CPPED1: variants seen among roughly 807,000 people sequenced by gnomAD.
CPPED1 encodes calcineurin like phosphoesterase domain containing 1.
Under a neutral mutation model 28.0 loss-of-function variants are expected in CPPED1, and 28 were observed. The observed-to-expected ratio is 1.00, with a 90% CI of 0.74 to 1.37. The LOEUF (loss-of-function observed/expected upper bound fraction) is 1.37. Ranked by LOEUF, CPPED1 falls within the 40% of genes most tolerant of loss-of-function variation. CPPED1 has a pLI of 0.00. For missense variants in CPPED1, 504 were observed against 416.5 expected (o/e 1.21, Z -1.83); for synonymous variants, 198 against 180.2 (o/e 1.10, Z -0.79).
At chr16:12,727,053 G>A (rs967318311) in intron 2 of CPPED1, among the ~76,000 whole-genome samples, 3 of 152,212 alleles carry the variant, frequency 2.0e-5, no homozygotes, top group Middle Eastern at 3.4e-3. Flanking sequence ...TCAAGGAACC[G>A]TTGACTAAGT....
At chr16:12,706,848 C>G (rs762510583) in intron 2 of CPPED1, among the ~76,000 whole-genome samples, 1 of 152,156 alleles carries the variant, frequency 6.6e-6, no homozygotes, top group South Asian at 2.1e-4. Flanking sequence ...CAGCCTTTCC[C>G]GAGCCCATTC....
chr16:12,728,748 G>A (rs2080182384), intron 2 of CPPED1, among the ~76,000 whole-genome samples: 1 of 152,188 alleles, frequency 6.6e-6, no homozygotes, highest in Non-Finnish European at 1.5e-5. Context: ...ATCAAATGAA[G>A]TGAGCTATAA....
At chr16:12,677,280 G>C (rs1451887557) in intron 3 of CPPED1, among the ~76,000 whole-genome samples, 2 of 152,242 alleles carry the variant, frequency 1.3e-5, no homozygotes, top group Non-Finnish European at 2.9e-5. Context: ...GGCGAGGGCG[G>C]GGAAAGGCGG....
intron 2 of CPPED1, among the ~76,000 whole-genome samples, chr16:12,773,846 T>C (rs1407812996): frequency 6.6e-6 from 1 of 152,230 alleles, no homozygotes; most frequent in Non-Finnish European, 1.5e-5. Flanking sequence ...TCAATTTACA[T>C]GCTACCAGTA....
In CPPED1 at chr16:12,780,417, C is replaced by G. The variant is rs150732892; in HGVS notation, c.289+768G>C. ...TCTCGAACACCTGAGCTCAAGTGAT[C>G]CGCCCACCTCAGCCTCCCAAAGTGC... is the stretch of plus-strand genomic sequence containing the variant. On this transcript the variant is annotated intron_variant, in intron 2 of 3. Transcript: ENST00000381774. 3.7e-3 allele frequency among the ~76,000 whole-genome samples: 562 copies of G among 152,162 alleles called. 2 individuals carry two copies. Among genetic ancestry groups the G allele is most frequent in the African/African-American group, 0.013 (541 of 41,496 alleles).
chr16:12,752,915 A>T, intron 2 of CPPED1: 1 of 149,344 alleles, frequency 6.7e-6, no homozygotes, highest in South Asian at 2.1e-4. Context: ...ATAATATATA[A>T]ATATGTCAAT....
At chr16:12,787,014 T>C (rs143346810) in intron 1 of CPPED1, among the ~76,000 whole-genome samples, 8 of 152,314 alleles carry the variant, frequency 5.3e-5, no homozygotes, top group Middle Eastern at 3.4e-3. Context: ...TATGAGTATA[T>C]AGCACACATG....
At chr16:12,743,916 G>A (rs1472925649) in intron 2 of CPPED1, among the ~76,000 whole-genome samples, 1 of 151,892 alleles carries the variant, frequency 6.6e-6, no homozygotes, top group Non-Finnish European at 1.5e-5. Flanking sequence ...GAGGTGGGAG[G>A]TTCACGTGAG....
intron 3 of CPPED1, among the ~76,000 whole-genome samples, chr16:12,693,124 C>G (rs1457819514): frequency 6.6e-6 from 1 of 152,156 alleles, no homozygotes; most frequent in South Asian, 2.1e-4. Context: ...ACACCTGTGC[C>G]GAAGACCTGG....
At chr16:12,757,265 C>T (rs1000584294) in intron 2 of CPPED1, among the ~76,000 whole-genome samples, 1 of 152,146 alleles carries the variant, frequency 6.6e-6, no homozygotes, top group African/African-American at 2.4e-5. Flanking sequence ...CCAGAACAGT[C>T]CTGGGCAAAC....
chr16:12,693,328 T>C (rs1224735968), intron 3 of CPPED1, among the ~76,000 whole-genome samples: 2 of 152,108 alleles, frequency 1.3e-5, no homozygotes, highest in South Asian at 2.1e-4. Context: ...CAGCCTCCCA[T>C]GTAGCTGGGC....
chr16:12,734,987 G>C (rs2080219367), intron 2 of CPPED1, among the ~76,000 whole-genome samples: 1 of 152,164 alleles, frequency 6.6e-6, no homozygotes, highest in African/African-American at 2.4e-5. Flanking sequence ...GCTCAAGACA[G>C]ATCTTGGGTC....
At chr16:12,673,263 G>A (rs1398077833) in intron 3 of CPPED1, among the ~76,000 whole-genome samples, 2 of 152,286 alleles carry the variant, frequency 1.3e-5, no homozygotes, top group East Asian at 3.9e-4. Context: ...CTCTCCTGGG[G>A]TTTCACAGCC....
intron 2 of CPPED1, among the ~76,000 whole-genome samples, chr16:12,728,888 A>G (rs1009548463): frequency 1.3e-5 from 2 of 152,200 alleles, no homozygotes; most frequent in Non-Finnish European, 2.9e-5. Flanking sequence ...AAAAGTGTTC[A>G]AAGAATTGAA....
At chr16:12,681,914 G>C (rs532742429) in intron 3 of CPPED1, among the ~76,000 whole-genome samples, 40 of 152,144 alleles carry the variant, frequency 2.6e-4, no homozygotes, top group Non-Finnish European at 8.8e-5. Flanking sequence ...CTCTCCAGGG[G>C]CTAGAGGTGG....
In CPPED1 at chr16:12,660,497, A is replaced by ATGTGTGTGTG. The variant is rs61163755; in HGVS notation, c.*4379_*4388dup. 6 of 145,426 alleles carry ATGTGTGTGTG rather than the reference A, an allele frequency of 4.1e-5. No individual in the cohort carries two copies. The highest frequency in any genetic ancestry group is 2.3e-4 in the South Asian group (1 of 4,424). 9.0% of individuals were successfully genotyped at this position (145,426 alleles called of 1,614,324 possible). On this transcript the variant is annotated 3_prime_UTR_variant, in exon 4 of 4. Transcript: ENST00000381774. ...GAAAAGAATCCTCCACTTTTACTATATGTGTGTGTGTGTGTGTGTGTGTGT... is the reference window on the plus strand; with the variant it reads ...GAAAAGAATCCTCCACTTTTACTATATGTGTGTGTGTGTGTGTGTGTGTGTGTGTGTGTGT...
At chr16:12,708,576 C>T (rs369828712) in intron 2 of CPPED1, among the ~76,000 whole-genome samples, 27 of 152,214 alleles carry the variant, frequency 1.8e-4, no homozygotes, top group East Asian at 1.5e-3. Context: ...AAAATCTTCC[C>T]CAGGGACAGA....
intron 2 of CPPED1, among the ~76,000 whole-genome samples, chr16:12,762,306 T>A (rs1596475898): frequency 6.6e-6 from 1 of 152,346 alleles, no homozygotes; most frequent in East Asian, 1.9e-4. Context: ...CCACTAGGGA[T>A]ATTATTTAGT....
Position 12,803,850 on chromosome 16 carries a change from C to A in CPPED1, c.-74G>T. On this transcript the variant is annotated 5_prime_UTR_variant, in exon 1 of 4. Transcript: ENST00000381774. ...CGCGCGACTTCACACAGAACAACCGCTGGACCTGTCCCGCTTTGGGCGACG... is the reference window on the plus strand; with the variant it reads ...CGCGCGACTTCACACAGAACAACCGATGGACCTGTCCCGCTTTGGGCGACG... 7.1e-7 allele frequency: 1 copy of A among 1,410,904 alleles called. No individual in the cohort carries two copies. Among genetic ancestry groups the A allele is most frequent in the Non-Finnish European group, 9.6e-7 (1 of 1,039,264 alleles). The allele number at this position is 1,410,904 out of a possible 1,614,324, so 87.4% of individuals were successfully genotyped here.
Sources: allele counts gnomAD v4.1 joint callset (sites outside exome capture counted in the v4.1 genomes callset), GRCh38; gene constraint gnomAD v4.1.1; transcripts MANE v1.5; gene names NCBI Gene and HGNC (gene_info 2026-07-23, HGNC 2026-07-21).